The following ETV6 variants were observed in gnomAD, a reference collection of about 807,000 sequenced individuals.
ETV6 encodes ETS variant transcription factor 6.
ETV6 carries 16 observed loss-of-function variants against 51.1 expected under a neutral mutation model. That is an observed-to-expected ratio of 0.31 (90% CI 0.21 to 0.48). The LOEUF is 0.48. Ranked by LOEUF, ETV6 falls within the 20% of genes least tolerant of loss-of-function variation. The pLI is 0.99. For missense variants in ETV6, 458 were observed against 594.8 expected (o/e 0.77, Z 2.39); for synonymous variants, 240 against 224.1 (o/e 1.07, Z -0.64).
rs923358663 is a variant in ETV6, at chr12:11,885,866, T to C, written c.1153-60T>C. 3 of 1,292,278 alleles carry C rather than the reference T, an allele frequency of 2.3e-6. No homozygotes were observed. In the African/African-American group the frequency reaches 4.4e-5, roughly 19 times the overall value. The allele number at this position is 1,292,278 out of a possible 1,614,324, so 80.1% of individuals were successfully genotyped here. A position where few individuals can be genotyped will look rare whatever the true frequency, so the allele number is the denominator to read the frequency against. On this transcript the variant is annotated intron_variant, in intron 6 of 7. Transcript: ENST00000396373. ...TTAATAGCTCCCGCAGTGCCTTTTCTGAGGTTCATTTCATTGTGTCTTTGT... is the reference window on the plus strand; with the variant it reads ...TTAATAGCTCCCGCAGTGCCTTTTCCGAGGTTCATTTCATTGTGTCTTTGT...
At chr12:11,867,956 C>A (rs1431665780) in intron 4 of ETV6, among the ~76,000 whole-genome samples, 1 of 152,186 alleles carries the variant, frequency 6.6e-6, no homozygotes, top group African/African-American at 2.4e-5. Context: ...CATTCCCCGA[C>A]CCAGCCCTCA....
intron 1 of ETV6, among the ~76,000 whole-genome samples, chr12:11,750,002 G>A (rs1865992012): frequency 6.6e-6 from 1 of 152,254 alleles, no homozygotes; most frequent in South Asian, 2.1e-4. Context: ...CATCAGGAAT[G>A]TGAGGAGATC....
intron 1 of ETV6, among the ~76,000 whole-genome samples, chr12:11,749,332 CACACACACA>C (rs1456991934): frequency 6.8e-6 from 1 of 147,166 alleles, no homozygotes; most frequent in African/African-American, 2.6e-5. Context: ...CACACACACA[CACACACACA>C]CACACACACC....
chr12:11,885,877 T>C, intron 6 of ETV6, 49 bp from the exon 7 acceptor site: 1 of 1,392,306 alleles, frequency 7.2e-7, no homozygotes, highest in South Asian at 1.2e-5. Flanking sequence ...GAGGTTCATT[T>C]CATTGTGTCT....
intron 1 of ETV6, among the ~76,000 whole-genome samples, chr12:11,705,777 C>T (rs78085403): frequency 6.6e-6 from 1 of 152,196 alleles, no homozygotes; most frequent in Non-Finnish European, 1.5e-5. Flanking sequence ...ATTGAGACAA[C>T]CCTAAGCCCC....
At chr12:11,837,837 C>A (rs1239904432) in intron 2 of ETV6, among the ~76,000 whole-genome samples, 1 of 152,138 alleles carries the variant, frequency 6.6e-6, no homozygotes, top group Non-Finnish European at 1.5e-5. Context: ...TAAATTTGGT[C>A]TCATGTCTCC....
chr12:11,832,066 A>G (rs751790014), intron 2 of ETV6, among the ~76,000 whole-genome samples: 69 of 152,238 alleles, frequency 4.5e-4, no homozygotes, highest in Non-Finnish European at 5.3e-4. Context: ...GAAAAGAAAC[A>G]TATAAAGGAG....
At chr12:11,663,125 G>T (rs1040527627) in intron 1 of ETV6, among the ~76,000 whole-genome samples, 1 of 152,236 alleles carries the variant, frequency 6.6e-6, no homozygotes, top group African/African-American at 2.4e-5. Flanking sequence ...TTCAGGTTCA[G>T]TCTCTATCTG....
chr12:11,822,663 T>C (rs183545517), intron 2 of ETV6, among the ~76,000 whole-genome samples: 1 of 152,376 alleles, frequency 6.6e-6, no homozygotes, highest in African/African-American at 2.4e-5. Flanking sequence ...TGGGCATTAC[T>C]AATTCAGATG....
rs35812814 is a variant in ETV6 at position 11,892,210 on chromosome 12, A to ATTTTTTTTTTTTTT, written c.*1174_*1187dup. ...GTGGTCAGTTTCATGCCCTCACCTGATTTTTTTTTTTTTTTTTTTTTTTCA... is the reference window on the plus strand; with the variant it reads ...GTGGTCAGTTTCATGCCCTCACCTGATTTTTTTTTTTTTTTTTTTTTTTTTTTTTTTTTTTTTCA... On this transcript the variant is annotated 3_prime_UTR_variant, in exon 8 of 8. Transcript: ENST00000396373. 1.6e-3 allele frequency: 251 copies of ATTTTTTTTTTTTTT among 153,530 alleles called. 12 individuals are homozygous for ATTTTTTTTTTTTTT. The highest frequency in any genetic ancestry group is 9.8e-3 in the African/African-American group (239 of 24,352). 9.5% of individuals were successfully genotyped at this position (153,530 alleles called of 1,614,324 possible).
intron 1 of ETV6, among the ~76,000 whole-genome samples, chr12:11,749,290 C>G (rs1865970366): frequency 2.0e-4 from 1 of 5,070 alleles, no homozygotes; most frequent in Admixed American, 1.4e-3. Flanking sequence ...CCCCCCCATA[C>G]ACACACACAC....
chr12:11,819,947 A>G (rs573725271), intron 2 of ETV6, among the ~76,000 whole-genome samples: 21 of 152,356 alleles, frequency 1.4e-4, no homozygotes, highest in Non-Finnish European at 1.3e-4. Context: ...TTGTAGCCTT[A>G]GGATAAAGCC....
At chr12:11,813,091 G>A (rs1417069986) in intron 2 of ETV6, among the ~76,000 whole-genome samples, 6 of 152,232 alleles carry the variant, frequency 3.9e-5, no homozygotes, top group African/African-American at 1.2e-4. Context: ...CCAAGGCTGT[G>A]CATGCCAGCC....
At chr12:11,877,443 G>A (rs780324489) in intron 5 of ETV6, among the ~76,000 whole-genome samples, 1 of 152,178 alleles carries the variant, frequency 6.6e-6, no homozygotes, top group African/African-American at 2.4e-5. Context: ...TGGAAGGTGT[G>A]GGGTGTGCAG....
intron 1 of ETV6, among the ~76,000 whole-genome samples, chr12:11,683,118 A>C (rs1350684323): frequency 6.6e-6 from 1 of 152,180 alleles, no homozygotes; most frequent in Non-Finnish European, 1.5e-5. Flanking sequence ...CAGTGGATTG[A>C]TCTCTGCTCA....
In ETV6 at chr12:11,670,118, A is replaced by G. The variant is rs557010724; in HGVS notation, c.33+19958A>G. Reference sequence around the variant, plus strand: ...AAATTTTCTTGTTCTTCGGGGATACACTGTATTCTTGTAATTAGAGATTAT... The same window carrying G: ...AAATTTTCTTGTTCTTCGGGGATACGCTGTATTCTTGTAATTAGAGATTAT... On this transcript the variant is annotated intron_variant, in intron 1 of 7. Transcript: ENST00000396373. Among the ~76,000 whole-genome samples the G allele has an allele frequency of 2.3e-4, 35 of 151,524 alleles. No homozygotes were observed. The South Asian group carries it at 6.6e-3, about 29-fold the overall frequency.
chr12:11,825,054 C>G (rs148130543), intron 2 of ETV6, among the ~76,000 whole-genome samples: 30 of 152,274 alleles, frequency 2.0e-4, no homozygotes, highest in African/African-American at 6.7e-4. Context: ...TAGCATCCCT[C>G]AAGAAAGCGT....
chr12:11,786,573 G>A (rs16907267), intron 2 of ETV6, among the ~76,000 whole-genome samples: 5,517 of 152,180 alleles, frequency 0.036, 333 homozygotes, highest in African/African-American at 0.12. Context: ...TTTAATGTGC[G>A]GGATTTAAGT....
chr12:11,734,318 A>G (rs1865660854), intron 1 of ETV6, among the ~76,000 whole-genome samples: 1 of 152,122 alleles, frequency 6.6e-6, no homozygotes, highest in Non-Finnish European at 1.5e-5. Context: ...GGAAATGACC[A>G]CATCTGAACT....
Sources: gnomAD v4.1 joint callset for allele counts (sites outside exome capture counted in the v4.1 genomes callset) on GRCh38, gnomAD v4.1.1 for gene constraint, MANE v1.5 for transcripts, NCBI Gene and HGNC (gene_info 2026-07-23, HGNC 2026-07-21) for gene names.